KCNIP3: variants seen among roughly 807,000 people sequenced by gnomAD.
KCNIP3 encodes the protein calsenilin.
A neutral mutation model predicts 35.0 loss-of-function variants in KCNIP3; 28 were observed. The observed-to-expected ratio is 0.80, with a 90% CI of 0.59 to 1.10. The LOEUF (loss-of-function observed/expected upper bound fraction) is 1.10, where lower values mean the gene tolerates loss of function less well. Ranked by LOEUF, KCNIP3 falls within the 50% of genes least tolerant of loss-of-function variation. The pLI is 0.00. For missense variants in KCNIP3, 295 were observed against 338.4 expected (o/e 0.87, Z 1.01); for synonymous variants, 134 against 133.8 (o/e 1.00, Z -0.01).
intron 2 of KCNIP3, among the ~76,000 whole-genome samples, chr2:95,336,347 G>A (rs1679058640): frequency 6.6e-6 from 1 of 152,174 alleles, no homozygotes; most frequent in Admixed American, 6.5e-5. Context: ...CTCCGTATCA[G>A]TCATAGTGGT....
rs201316906 is a variant in KCNIP3 at position 95,384,066 on chromosome 2, T to G, written c.*17T>G. 6.2e-6 allele frequency: 10 copies of G among 1,612,416 alleles called. No homozygotes were observed. The highest frequency in any genetic ancestry group is 8.5e-6 in the Non-Finnish European group (10 of 1,178,976). On this transcript the variant is annotated 3_prime_UTR_variant, in exon 9 of 9. Coordinates refer to ENST00000295225, the MANE Select transcript of KCNIP3 (RefSeq NM_013434.5). Reference sequence around the variant, plus strand: ...GTCATCTAGGACACGTCCAAAGGAGTGCATGGCCACAGCCACCTCCACCCC... The same window carrying G: ...GTCATCTAGGACACGTCCAAAGGAGGGCATGGCCACAGCCACCTCCACCCC...
chr2:95,319,188 G>C (rs1012116906), intron 2 of KCNIP3, among the ~76,000 whole-genome samples: 6 of 152,244 alleles, frequency 3.9e-5, no homozygotes, highest in African/African-American at 1.4e-4. Context: ...GAGCGGTAGA[G>C]CAGCACAGAG....
At chr2:95,321,949 T>C (rs1678607962) in intron 2 of KCNIP3, among the ~76,000 whole-genome samples, 1 of 152,016 alleles carries the variant, frequency 6.6e-6, no homozygotes, top group Non-Finnish European at 1.5e-5. Context: ...CACTCAATTC[T>C]CCTCAGGCCA....
chr2:95,324,009 A>G (rs1176106069), intron 2 of KCNIP3, among the ~76,000 whole-genome samples: 1 of 152,108 alleles, frequency 6.6e-6, no homozygotes, highest in Admixed American at 6.5e-5. Context: ...TGGGGCGGGG[A>G]GGCAGAGGGA....
At chr2:95,339,379 A>G (rs1679137779) in intron 2 of KCNIP3, among the ~76,000 whole-genome samples, 1 of 152,146 alleles carries the variant, frequency 6.6e-6, no homozygotes, top group East Asian at 1.9e-4. Flanking sequence ...CAGGAGATCG[A>G]GACCAGCCTG....
At chr2:95,331,132 C>T (rs1474380096) in intron 2 of KCNIP3, among the ~76,000 whole-genome samples, 3 of 151,896 alleles carry the variant, frequency 2.0e-5, no homozygotes, top group African/African-American at 7.3e-5. Flanking sequence ...AGGCTGAGCC[C>T]GAGGGGTAGG....
intron 2 of KCNIP3, among the ~76,000 whole-genome samples, chr2:95,363,350 C>T (rs1216668956): frequency 6.6e-6 from 1 of 152,160 alleles, no homozygotes; most frequent in African/African-American, 2.4e-5. Context: ...GTTTTCCTAA[C>T]ACCATCTACT....
At chr2:95,335,833 A>G (rs1372072298) in intron 2 of KCNIP3, among the ~76,000 whole-genome samples, 2 of 151,802 alleles carry the variant, frequency 1.3e-5, no homozygotes, top group African/African-American at 4.8e-5. Context: ...AGACTTTTTT[A>G]CTTCGACCCA....
chr2:95,379,083 A>G (rs1680274678), intron 5 of KCNIP3, among the ~76,000 whole-genome samples: 1 of 151,748 alleles, frequency 6.6e-6, no homozygotes, highest in African/African-American at 2.4e-5. Context: ...GCCACAAGTG[A>G]GAATTTGGGA....
At chr2:95,310,289 CG>C in intron 1 of KCNIP3, 65 bp from the exon 2 acceptor site, 1 of 1,588,054 alleles carries the variant, frequency 6.3e-7, no homozygotes, top group Non-Finnish European at 8.6e-7. Flanking sequence ...CAGGGCAGCT[CG>C]GGACCATCCA....
chr2:95,350,596 G>T (rs1679490415), intron 2 of KCNIP3, among the ~76,000 whole-genome samples: 1 of 152,170 alleles, frequency 6.6e-6, no homozygotes, highest in South Asian at 2.1e-4. Flanking sequence ...AGGGGGCCCG[G>T]AGCAGCAGGG....
intron 2 of KCNIP3, among the ~76,000 whole-genome samples, chr2:95,330,453 G>A (rs1016601517): frequency 3.8e-4 from 58 of 152,294 alleles, no homozygotes; most frequent in African/African-American, 1.3e-3. Flanking sequence ...GGGTGACCAG[G>A]CGCTCCCAAG....
intron 2 of KCNIP3, among the ~76,000 whole-genome samples, chr2:95,336,516 C>T (rs1473418540): frequency 6.6e-6 from 1 of 152,198 alleles, no homozygotes; most frequent in Admixed American, 6.5e-5. Flanking sequence ...CTTACTTAAA[C>T]ATCTGAGTCA....
At chr2:95,368,610 T>C (rs1343077848) in intron 2 of KCNIP3, 1 of 378,136 alleles carries the variant, frequency 2.6e-6, no homozygotes, top group Admixed American at 3.1e-5. Flanking sequence ...CCATCCCGTT[T>C]CTGTGTGTGA....
chr2:95,354,959 C>G (rs1449838609), intron 2 of KCNIP3: 2 of 152,320 alleles, frequency 1.3e-5, no homozygotes, highest in Admixed American at 1.3e-4. Context: ...ATGCTGATGA[C>G]AGTGATAGGA....
intron 2 of KCNIP3, among the ~76,000 whole-genome samples, chr2:95,349,702 T>A (rs2104270756): frequency 6.6e-6 from 1 of 152,342 alleles, no homozygotes; most frequent in East Asian, 1.9e-4. Flanking sequence ...AGCCTCAGTG[T>A]GACAGACCCT....
chr2:95,334,388 C>T (rs1331761485), intron 2 of KCNIP3, among the ~76,000 whole-genome samples: 1 of 152,212 alleles, frequency 6.6e-6, no homozygotes, highest in East Asian at 1.9e-4. Flanking sequence ...GAATGCTTCC[C>T]CACTTTGGGG....
intron 2 of KCNIP3, among the ~76,000 whole-genome samples, chr2:95,321,264 G>A (rs566406777): frequency 7.9e-5 from 12 of 152,276 alleles, no homozygotes; most frequent in Admixed American, 7.2e-4. Context: ...TGTATCTCTC[G>A]TGCTGTTCCT....
chr2:95,377,126 G>A lies in KCNIP3; in HGVS notation c.447+1918G>A, dbSNP rs776060619. Among the ~76,000 whole-genome samples, 96 of 152,228 alleles carry A rather than the reference G, an allele frequency of 6.3e-4. No homozygotes were observed. Among genetic ancestry groups the A allele is most frequent in the Non-Finnish European group, 5.7e-4 (39 of 68,044 alleles). ...GATTTGCCAGCAGCAGGGAGCCCCA[G>A]GTGAGCAGCGCCACACACAGATTTG... On this transcript the variant is annotated intron_variant, in intron 5 of 8. Coordinates refer to ENST00000295225, the MANE Select transcript of KCNIP3 (RefSeq NM_013434.5). The surrounding 1 kb of genome is among the most constrained non-coding windows in gnomAD (Gnocchi z 4.7).
Sources: allele counts gnomAD v4.1 joint callset (sites outside exome capture counted in the v4.1 genomes callset), GRCh38; gene constraint gnomAD v4.1.1; non-coding constraint Gnocchi (gnomAD v3.1); transcripts MANE v1.5; gene names NCBI Gene and HGNC (gene_info 2026-07-23, HGNC 2026-07-21).